Variants in TSNARE1 observed in about 807,000 individuals in gnomAD.
TSNARE1 encodes t-SNARE domain-containing protein 1.
A neutral mutation model predicts 62.0 loss-of-function variants in TSNARE1; 49 were observed. The observed-to-expected ratio is 0.79, with a 90% CI of 0.63 to 1.00. The LOEUF is 1.00. Among genes scored for constraint, TSNARE1 ranks in the 50% least tolerant of loss-of-function variants. The probability of loss-of-function intolerance (pLI) is 0.00; values close to 1 mark genes in which losing one functional copy is unlikely to be tolerated. For missense variants in TSNARE1, 755 were observed against 700.1 expected (o/e 1.08, Z -0.88); for synonymous variants, 328 against 294.4 (o/e 1.11, Z -1.17).
intron 6 of TSNARE1, among the ~76,000 whole-genome samples, chr8:142,329,738 G>A (rs996882484): frequency 3.9e-5 from 6 of 152,172 alleles, no homozygotes; most frequent in Admixed American, 6.5e-5. Context: ...ACACCGACAT[G>A]CTAACAGCAG....
At chr8:142,403,659 G>T (rs9801745), upstream of TSNARE1, 2 of 152,222 alleles carry the variant, frequency 1.3e-5, no homozygotes, top group East Asian at 3.9e-4. Flanking sequence ...GCCGTGCTCG[G>T]CCGGGGGCTG....
At chr8:142,274,259 T>C in intron 12 of TSNARE1, 1 of 985,404 alleles carries the variant, frequency 1.0e-6, no homozygotes, top group African/African-American at 1.7e-5. Flanking sequence ...CAGCCTGACC[T>C]GTCAGGTCTT....
rs572463862 is a variant in TSNARE1 at position 142,265,163 on chromosome 8, G to A, written c.1446+9618C>T. Among the ~76,000 whole-genome samples, 4 of 144,380 alleles carry A rather than the reference G, an allele frequency of 2.8e-5. No homozygotes were observed. In the South Asian group the frequency reaches 8.7e-4, roughly 31 times the overall value. The allele number at this position is 144,380 out of a possible 152,430, so 94.7% of individuals were successfully genotyped here. A position where few individuals can be genotyped will look rare whatever the true frequency, so the allele number is the denominator to read the frequency against. ...AGTTCTATGAAATTTTATCACATAT[G>A]TAGATTCATGTCACCAGCACCATGT... On this transcript the variant is annotated intron_variant, in intron 12 of 13. Transcript: ENST00000524325.
At chr8:142,261,664 CG>C (rs1231655047) in intron 12 of TSNARE1, among the ~76,000 whole-genome samples, 1 of 152,002 alleles carries the variant, frequency 6.6e-6, no homozygotes, top group Admixed American at 6.5e-5. Flanking sequence ...GCCACGGCCC[CG>C]GGGTGGGGGT....
At chr8:142,343,474 G>A (rs1391759258) in intron 4 of TSNARE1, among the ~76,000 whole-genome samples, 1 of 151,800 alleles carries the variant, frequency 6.6e-6, no homozygotes, top group African/African-American at 2.4e-5. Context: ...AACGGCAAAT[G>A]CCCTTCTCGC....
In TSNARE1 at chr8:142,338,507, T is replaced by C. The variant is rs532693175; in HGVS notation, c.745+5459A>G. ...TGGACCACTGGGCAAGCTGACAGGC[T>C]GCCTCGACCACTGGGCAAGCTGACA... On this transcript the variant is annotated intron_variant, in intron 4 of 13. Coordinates refer to ENST00000524325, the MANE Select transcript of TSNARE1 (RefSeq NM_145003.5). Among the ~76,000 whole-genome samples, 653 of 150,476 alleles carry C rather than the reference T, an allele frequency of 4.3e-3. 8 individuals carry two copies. The highest frequency in any genetic ancestry group is 0.015 in the African/African-American group (609 of 39,956).
chr8:142,278,651 G>A (rs886607514), intron 11 of TSNARE1: 1 of 985,352 alleles, frequency 1.0e-6, no homozygotes, highest in Non-Finnish European at 1.2e-6. Context: ...CTTGGAGCCA[G>A]TGGCAGCTGC....
chr8:142,285,884 G>A (rs1301071527), intron 10 of TSNARE1, among the ~76,000 whole-genome samples: 1 of 152,178 alleles, frequency 6.6e-6, no homozygotes, highest in Non-Finnish European at 1.5e-5. Flanking sequence ...ACACACCTGG[G>A]CTGTGCTTCA....
At chr8:142,318,293 A>C (rs1166123529) in intron 7 of TSNARE1, among the ~76,000 whole-genome samples, 1 of 152,194 alleles carries the variant, frequency 6.6e-6, no homozygotes, top group Non-Finnish European at 1.5e-5. Context: ...ACTACTGCAT[A>C]AGCCAAGGAC....
In TSNARE1 at chr8:142,318,556, G is replaced by A. The variant is rs899144113; in HGVS notation, c.972C>T (p.Arg324=). The part of the protein sequence containing the change: ...SSVKQMAELL[R]SSCPQERLQQ... ...CCCAGGAACATACCGGGCAGGAGCT[G>A]CGCAGCAGCTCGGCCATCTGCTTCA... The change falls in exon 7 of 14, where the codon CGC becomes CGT. Residue 324 remains arginine (R), a synonymous_variant. Transcript: ENST00000524325. The A allele has an allele frequency of 1.9e-6, 3 of 1,613,126 alleles. No homozygotes were observed. The highest frequency in any genetic ancestry group is 2.5e-6 in the Non-Finnish European group (3 of 1,179,956).
At chr8:142,333,452 G>C (rs1831338079) in intron 4 of TSNARE1, among the ~76,000 whole-genome samples, 1 of 152,190 alleles carries the variant, frequency 6.6e-6, no homozygotes, top group Admixed American at 6.5e-5. Context: ...AACGTGGTTT[G>C]AGGTCTACAA....
At chr8:142,242,228 A>AAGATCTC in intron 12 of TSNARE1, among the ~76,000 whole-genome samples, 2 of 152,268 alleles carry the variant, frequency 1.3e-5, no homozygotes, top group African/African-American at 2.4e-5. Flanking sequence ...CTCTAAAACT[A>AAGATCTC]CAATCTCCAT....
chr8:142,292,129 C>A (rs1486223550), intron 10 of TSNARE1, among the ~76,000 whole-genome samples: 1 of 152,098 alleles, frequency 6.6e-6, no homozygotes, highest in Non-Finnish European at 1.5e-5. Flanking sequence ...AAGCGTGGAG[C>A]TCCAGCCGAG....
At chr8:142,363,984 G>C (rs534346277) in intron 1 of TSNARE1, among the ~76,000 whole-genome samples, 3 of 152,312 alleles carry the variant, frequency 2.0e-5, no homozygotes, top group African/African-American at 7.2e-5. Context: ...AGGAAGAAGA[G>C]TCACCTGTAC....
intron 12 of TSNARE1, chr8:142,270,653 G>A: frequency 1.0e-6 from 1 of 985,418 alleles, no homozygotes; most frequent in Non-Finnish European, 1.2e-6. Flanking sequence ...AGTCACACCA[G>A]ATCACGCTTG....
At position 142,349,784 on chromosome 8, in the gene TSNARE1, C is replaced by T. The variant is rs895030011; in HGVS notation, c.89-3892G>A. 6.6e-5 allele frequency among the ~76,000 whole-genome samples: 10 copies of T among 152,194 alleles called. No individual in the cohort carries two copies. In the East Asian group the frequency reaches 7.7e-4, roughly 12 times the overall value. On this transcript the variant is annotated intron_variant, in intron 2 of 13. Transcript: ENST00000524325. ...ACATCCATCTGCATGACCACCAGGC[C>T]GGAGGTCTCTTCTCACCTCCCCTTC...
intron 12 of TSNARE1, among the ~76,000 whole-genome samples, chr8:142,259,102 T>A (rs1029421425): frequency 6.6e-6 from 1 of 152,166 alleles, no homozygotes; most frequent in African/African-American, 2.4e-5. Context: ...TGTCTGACTC[T>A]GAAGTTGCTC....
At chr8:142,221,142 A>G (rs944609372) in intron 13 of TSNARE1, among the ~76,000 whole-genome samples, 15 of 152,272 alleles carry the variant, frequency 9.9e-5, no homozygotes, top group African/African-American at 3.6e-4. Context: ...CGGTTTTCTC[A>G]TCTGAGAAAT....
intron 4 of TSNARE1, among the ~76,000 whole-genome samples, chr8:142,340,859 C>A (rs943263413): frequency 1.3e-5 from 2 of 152,268 alleles, no homozygotes; most frequent in Non-Finnish European, 2.9e-5. Context: ...GATGACACCA[C>A]GTGCCTAGAC....
Sources: gnomAD v4.1 joint callset for allele counts (sites outside exome capture counted in the v4.1 genomes callset) on GRCh38, gnomAD v4.1.1 for gene constraint, MANE v1.5 for transcripts, NCBI Gene and HGNC (gene_info 2026-07-23, HGNC 2026-07-21) for gene names.